The following CAMSAP1 variants were observed in gnomAD, a reference collection of about 807,000 sequenced individuals.
CAMSAP1 encodes calmodulin regulated spectrin associated protein 1.
A neutral mutation model predicts 143.5 loss-of-function variants in CAMSAP1; 58 were observed. The observed-to-expected ratio is 0.40, with a 90% CI of 0.33 to 0.50. The LOEUF is 0.50. Among genes scored for constraint, CAMSAP1 ranks in the 20% least tolerant of loss-of-function variants. The pLI is 0.45. For missense variants in CAMSAP1, 1,969 were observed against 2,115.7 expected (o/e 0.93, Z 1.36); for synonymous variants, 945 against 859.3 (o/e 1.10, Z -1.74).
At chr9:135,895,690 A>G (rs975179821) in intron 1 of CAMSAP1, among the ~76,000 whole-genome samples, 15 of 152,224 alleles carry the variant, frequency 9.9e-5, no homozygotes, top group Non-Finnish European at 1.3e-4. Flanking sequence ...TTTAAATTAC[A>G]TACGATGACA....
At chr9:135,906,428 C>G (rs1838779211) in intron 1 of CAMSAP1, among the ~76,000 whole-genome samples, 1 of 152,228 alleles carries the variant, frequency 6.6e-6, no homozygotes. Flanking sequence ...ACATTAGGGC[C>G]TAACAAACTG....
At chr9:135,856,788 T>G (rs1449906935) in intron 5 of CAMSAP1, among the ~76,000 whole-genome samples, 1 of 152,272 alleles carries the variant, frequency 6.6e-6, no homozygotes, top group Admixed American at 6.5e-5. Flanking sequence ...GATTTAATAC[T>G]TGGCTCAGTT....
chr9:135,838,358 TAC>T (rs539837225), intron 7 of CAMSAP1, among the ~76,000 whole-genome samples: 1,488 of 142,780 alleles, frequency 0.01, 42 homozygotes, highest in African/African-American at 0.037. Context: ...CCACCCGTTC[TAC>T]AGACACATGT....
At chr9:135,813,588 G>A (rs774807907) in intron 16 of CAMSAP1, among the ~76,000 whole-genome samples, 20 of 152,206 alleles carry the variant, frequency 1.3e-4, no homozygotes, top group Non-Finnish European at 2.9e-4. Flanking sequence ...ATAAGGAAGC[G>A]TGTGGTGCCC....
rs752278166 is a variant in CAMSAP1, at chr9:135,892,375, AAAG to A, written c.161-9300_161-9298del. Among the ~76,000 whole-genome samples, 51 of 152,320 alleles carry A rather than the reference AAAG, an allele frequency of 3.3e-4. 2 individuals carry two copies. The highest frequency in any genetic ancestry group is 1.7e-3 in the South Asian group (8 of 4,828). On this transcript the variant is annotated intron_variant, in intron 1 of 16. Transcript: ENST00000389532. ...GAAAAGTGGAAATTACAAAAAATCA[AAAG>A]AAGAAGAAAAAAGAACTTGACAGAT...
intron 2 of CAMSAP1, 28 bp from the exon 3 acceptor site, chr9:135,881,822 C>G (rs1046851596): frequency 6.5e-7 from 1 of 1,549,744 alleles, no homozygotes; most frequent in Admixed American, 2.0e-5. Flanking sequence ...AGCTATAATC[C>G]CTCAAACCCA....
At chr9:135,879,816 T>A (rs1031813542) in intron 3 of CAMSAP1, among the ~76,000 whole-genome samples, 5 of 151,886 alleles carry the variant, frequency 3.3e-5, no homozygotes, top group Middle Eastern at 3.4e-3. Context: ...AACACTGAGA[T>A]CACAGAAGGG....
chr9:135,838,772 A>G (rs1460860369), intron 7 of CAMSAP1, among the ~76,000 whole-genome samples: 3 of 150,184 alleles, frequency 2.0e-5, no homozygotes, highest in Admixed American at 6.6e-5. Flanking sequence ...GTCATCACGC[A>G]CTTTCCACCC....
chr9:135,834,930 T>C (rs181926121), intron 7 of CAMSAP1, among the ~76,000 whole-genome samples: 1 of 152,182 alleles, frequency 6.6e-6, no homozygotes, highest in Non-Finnish European at 1.5e-5. Flanking sequence ...ACCAGGCCTA[T>C]AACCAGGGTG....
rs779489129 is a variant in CAMSAP1 at position 135,821,236 on chromosome 9, G to T, written c.3425C>A (p.Pro1142His). 3.7e-6 allele frequency: 6 copies of T among 1,608,328 alleles called. No homozygotes were observed. Among genetic ancestry groups the T allele is most frequent in the Non-Finnish European group, 5.1e-6 (6 of 1,179,746 alleles). ...HLRPFPASSH[P>H]RTPTDPGLDS... ...CAGGCCAGGGTCCGTGGGCGTCCGA[G>T]GGTGGCTGCTGGCAGGGAAGGGTCT... Residue 1142 changes from proline (P) to histidine (H), a missense_variant, in exon 11 of 17, where the codon CCT (proline) becomes CAT (histidine). Pro to His is a moderately conservative substitution (Grantham distance 77). This residue lies in a region of CAMSAP1 where 1,390 missense variants were observed against 1,420.8 expected (regional missense o/e 0.98). Transcript: ENST00000389532. This position sits in a 1 kb window ranked among gnomAD's most constrained non-coding sequence, Gnocchi z 4.6.
intron 1 of CAMSAP1, among the ~76,000 whole-genome samples, chr9:135,896,262 T>C (rs1838448542): frequency 6.6e-6 from 1 of 151,846 alleles, no homozygotes; most frequent in Admixed American, 6.6e-5. Flanking sequence ...CAGAACTACA[T>C]TAATAAAGTA....
chr9:135,873,382 T>A (rs987379555), intron 3 of CAMSAP1, among the ~76,000 whole-genome samples: 9 of 151,994 alleles, frequency 5.9e-5, no homozygotes, highest in Non-Finnish European at 1.2e-4. Flanking sequence ...AAAAAAGACT[T>A]CAATAACTAA....
At chr9:135,900,830 C>T (rs752567190) in intron 1 of CAMSAP1, among the ~76,000 whole-genome samples, 5 of 152,012 alleles carry the variant, frequency 3.3e-5, no homozygotes, top group Non-Finnish European at 7.4e-5. Context: ...TCTCGGCTCA[C>T]CGCAGCCTCC....
chr9:135,840,375 T>C (rs1198606066), intron 7 of CAMSAP1, among the ~76,000 whole-genome samples: 5 of 152,124 alleles, frequency 3.3e-5, no homozygotes, highest in African/African-American at 1.2e-4. Context: ...TCCTGACTCC[T>C]CATTCCTAAG....
At chr9:135,871,415 C>T (rs1694992980) in intron 3 of CAMSAP1, among the ~76,000 whole-genome samples, 1 of 152,110 alleles carries the variant, frequency 6.6e-6, no homozygotes, top group Admixed American at 6.5e-5. Context: ...CTTGAACTCC[C>T]TGGCTCAAGA....
At chr9:135,839,281 G>A (rs115256503) in intron 7 of CAMSAP1, among the ~76,000 whole-genome samples, 48 of 152,292 alleles carry the variant, frequency 3.2e-4, no homozygotes, top group African/African-American at 9.9e-4. Context: ...CCTGCCACAT[G>A]CATATGAATA....
Position 135,823,061 on chromosome 9 carries a change from T to C in CAMSAP1, c.1600A>G (p.Ser534Gly). 1 of 1,614,006 alleles carries C rather than the reference T, an allele frequency of 6.2e-7. No individual in the cohort carries two copies. Among genetic ancestry groups the C allele is most frequent in the Non-Finnish European group, 8.5e-7 (1 of 1,179,896 alleles). ...AGCTCCTCTTCCTCATCCTCAATAC[T>C]GACATTGCTCAGGAGGCTCTTCCCG... ...SHGKSLLSNV[S>G]IEDEEEELVA... The change falls in exon 11 of 17, where the codon AGT becomes GGT. Residue 534 changes from serine to glycine, a missense_variant. Physicochemically the swap from Ser to Gly is moderately conservative, Grantham distance 56 (BLOSUM62 0). Transcript: ENST00000389532.
chr9:135,895,032 G>A (rs571185493), intron 1 of CAMSAP1, among the ~76,000 whole-genome samples: 1 of 152,194 alleles, frequency 6.6e-6, no homozygotes, highest in Non-Finnish European at 1.5e-5. Flanking sequence ...CTTGAGGTCA[G>A]ATCAAGAGAA....
chr9:135,836,124 C>T (rs1235836113), intron 7 of CAMSAP1: 3 of 985,342 alleles, frequency 3.0e-6, no homozygotes, highest in East Asian at 1.1e-4. Flanking sequence ...CTGGGGCAGA[C>T]TTCCTGCCCA....
Sources: allele counts gnomAD v4.1 joint callset (sites outside exome capture counted in the v4.1 genomes callset), GRCh38; gene constraint gnomAD v4.1.1; regional missense constraint gnomAD v4.1.1; non-coding constraint Gnocchi (gnomAD v3.1); transcripts MANE v1.5; gene names NCBI Gene and HGNC (gene_info 2026-07-23, HGNC 2026-07-21).